The following SLC1A2 variants were observed in gnomAD, a reference collection of about 807,000 sequenced individuals.
The protein encoded by SLC1A2 is solute carrier family 1 member 2, also known as excitatory amino acid transporter 2.
A neutral mutation model predicts 48.8 loss-of-function variants in SLC1A2; 15 were observed. The ratio of observed to expected loss-of-function variants is 0.31; its 90% CI spans 0.21 to 0.47. SLC1A2 has a LOEUF of 0.47. Ranked by LOEUF, SLC1A2 falls within the 20% of genes least tolerant of loss-of-function variation. The pLI is 0.99. For missense variants in SLC1A2, 502 were observed against 730.5 expected, an observed-to-expected ratio of 0.69 and a Z score of 3.61; for synonymous variants, 279 against 272.6, an observed-to-expected ratio of 1.02 and a Z score of -0.23.
At position 35,265,704 on chromosome 11, in the gene SLC1A2, T is replaced by A. The variant is rs35538744; in HGVS notation, c.1476A>T (p.Ile492=). 220 of 1,614,062 alleles carry A rather than the reference T, an allele frequency of 1.4e-4. No individual in the cohort carries two copies. The African/African-American group carries it at 2.7e-3, about 20-fold the overall frequency. The change falls in exon 10 of 11, where the codon ATA becomes ATT. Residue 492 remains isoleucine, a synonymous_variant. Transcript: ENST00000278379. ...GCTCAGACTTGGAGAGGTGATAGAC[T>A]ATCCCAGCCCCAAAAGAGTCACCCA... ...NVVGDSFGAG[I]VYHLSKSELD...
Position 35,258,319 on chromosome 11 carries a change from C to T in SLC1A2, c.*2575G>A, listed in dbSNP as rs758849175. 6.6e-6 allele frequency: 1 copy of T among 152,228 alleles called. No homozygotes were observed. Among genetic ancestry groups the T allele is most frequent in the Admixed American group, 6.5e-5 (1 of 15,288 alleles). The allele number at this position is 152,228 out of a possible 1,614,324, so 9.4% of individuals were successfully genotyped here. On this transcript the variant is annotated 3_prime_UTR_variant, in exon 11 of 11. Transcript: ENST00000278379. The stretch of plus-strand genomic sequence containing the variant: ...AAAACTTGCTTTGTGAAGTTGTACA[C>T]CTTGTTTCTTCCAAACACATTGTCT...
intron 1 of SLC1A2, chr11:35,413,815 T>G: frequency 6.6e-6 from 1 of 152,308 alleles, no homozygotes; most frequent in Admixed American, 6.5e-5. Flanking sequence ...CAGAACCACA[T>G]GACAGAAAGT....
chr11:35,326,344 G>A (rs1041722214), intron 1 of SLC1A2, among the ~76,000 whole-genome samples: 2 of 152,214 alleles, frequency 1.3e-5, no homozygotes, highest in African/African-American at 4.8e-5. Flanking sequence ...TGAGCTTGAG[G>A]TTAAAAGAGC....
intron 1 of SLC1A2, among the ~76,000 whole-genome samples, chr11:35,357,855 A>G (rs542478799): frequency 6.6e-6 from 1 of 152,124 alleles, no homozygotes; most frequent in Non-Finnish European, 1.5e-5. Context: ...CTTTAAAAAA[A>G]GGGGGGAAAG....
intron 1 of SLC1A2, chr11:35,371,099 G>A: frequency 7.4e-6 from 7 of 950,152 alleles, no homozygotes; most frequent in Non-Finnish European, 8.6e-6. Context: ...TCCAGCACCT[G>A]TAGGCCAGGT....
At chr11:35,415,057 T>C (rs1158364445) in intron 1 of SLC1A2, among the ~76,000 whole-genome samples, 1 of 152,192 alleles carries the variant, frequency 6.6e-6, no homozygotes, top group Non-Finnish European at 1.5e-5. Flanking sequence ...AGCTTTGCAA[T>C]TCTGGAACTG....
chr11:35,347,002 G>T (rs1410716255), intron 1 of SLC1A2, among the ~76,000 whole-genome samples: 1 of 152,210 alleles, frequency 6.6e-6, no homozygotes, highest in Non-Finnish European at 1.5e-5. Context: ...GCCAAAGGGA[G>T]GAGTTTAGAC....
intron 1 of SLC1A2, among the ~76,000 whole-genome samples, chr11:35,330,903 A>G (rs189434828): frequency 2.4e-4 from 36 of 152,338 alleles, no homozygotes; most frequent in Non-Finnish European, 3.5e-4. Context: ...TGGCCTCCAG[A>G]ACTATATGAT....
chr11:35,380,855 C>T (rs1469409141), intron 1 of SLC1A2, among the ~76,000 whole-genome samples: 6 of 152,252 alleles, frequency 3.9e-5, no homozygotes, highest in Admixed American at 3.3e-4. Flanking sequence ...GACTGTTATG[C>T]TCCCAATGAC....
chr11:35,345,756 A>T (rs2135056676), intron 1 of SLC1A2, among the ~76,000 whole-genome samples: 1 of 152,364 alleles, frequency 6.6e-6, no homozygotes, highest in East Asian at 1.9e-4. Context: ...CAGATGAGCT[A>T]AATAATATAC....
chr11:35,272,509 C>A (rs1010289357), intron 9 of SLC1A2, among the ~76,000 whole-genome samples: 2 of 152,176 alleles, frequency 1.3e-5, no homozygotes, highest in Non-Finnish European at 2.9e-5. Flanking sequence ...AGGCAGAACA[C>A]CCTTGAGGCT....
At chr11:35,361,342 T>C (rs1423138270) in intron 1 of SLC1A2, among the ~76,000 whole-genome samples, 1 of 152,238 alleles carries the variant, frequency 6.6e-6, no homozygotes. Flanking sequence ...CCAGAACATG[T>C]TAACTTTTTG....
chr11:35,387,628 C>T (rs536353614), intron 1 of SLC1A2, among the ~76,000 whole-genome samples: 1 of 152,014 alleles, frequency 6.6e-6, no homozygotes, highest in Non-Finnish European at 1.5e-5. Context: ...AATGTCTGGG[C>T]CATTTTTTTG....
At chr11:35,398,340 A>G (rs916708087) in intron 1 of SLC1A2, among the ~76,000 whole-genome samples, 1 of 152,216 alleles carries the variant, frequency 6.6e-6, no homozygotes, top group Non-Finnish European at 1.5e-5. Context: ...ATAAAAAGGA[A>G]TGAAATCATG....
At chr11:35,274,308 TCTGCAATTATG>T (rs1358776833) in intron 9 of SLC1A2, among the ~76,000 whole-genome samples, 1 of 152,198 alleles carries the variant, frequency 6.6e-6, no homozygotes, top group Non-Finnish European at 1.5e-5. Flanking sequence ...CCCGCCTTGA[TCTGCAATTATG>T]CTGCCTCAAG....
At chr11:35,332,101 C>A (rs1245618228) in intron 1 of SLC1A2, among the ~76,000 whole-genome samples, 1 of 152,190 alleles carries the variant, frequency 6.6e-6, no homozygotes, top group African/African-American at 2.4e-5. Flanking sequence ...AGGAAAGGAT[C>A]AGGAAACCTG....
chr11:35,293,409 A>G (rs1823604827), intron 6 of SLC1A2, among the ~76,000 whole-genome samples: 1 of 152,236 alleles, frequency 6.6e-6, no homozygotes, highest in Non-Finnish European at 1.5e-5. Flanking sequence ...TTTATCTTAT[A>G]TAAACTGATG....
intron 1 of SLC1A2, among the ~76,000 whole-genome samples, chr11:35,381,418 A>C (rs1261560380): frequency 6.6e-6 from 1 of 152,074 alleles, no homozygotes; most frequent in East Asian, 1.9e-4. Flanking sequence ...CCAGAAGAAA[A>C]CCCAACCAAA....
At chr11:35,303,764 G>A (rs545890797) in intron 5 of SLC1A2, among the ~76,000 whole-genome samples, 3 of 151,980 alleles carry the variant, frequency 2.0e-5, no homozygotes, top group Admixed American at 2.0e-4. Flanking sequence ...GGAGAGGGTG[G>A]AGACCAGAAT....
Sources: allele counts gnomAD v4.1 joint callset (sites outside exome capture counted in the v4.1 genomes callset), GRCh38; gene constraint gnomAD v4.1.1; transcripts MANE v1.5; gene names NCBI Gene and HGNC (gene_info 2026-07-23, HGNC 2026-07-21).